Variants in MTMR8 observed in about 807,000 individuals in gnomAD.
MTMR8 encodes myotubularin related protein 8, also known as phosphatidylinositol-3,5-bisphosphate 3-phosphatase MTMR8.
MTMR8 carries 65 observed loss-of-function variants against 39.3 expected under a neutral mutation model. The observed-to-expected ratio is 1.65, with a 90% confidence interval of 1.35 to 2.03. MTMR8 has a LOEUF of 2.03. Among genes scored for constraint, MTMR8 ranks in the 30% most tolerant of loss-of-function variants. The pLI is 0.00. For synonymous variants in MTMR8, 245 were observed against 185.2 expected (o/e 1.32, Z -2.62); for missense variants, 777 against 538.9 (o/e 1.44, Z -4.37).
intron 12 of MTMR8, among the ~76,000 whole-genome samples, chrX:64,316,639 C>T (rs1268065155): frequency 2.7e-5 from 3 of 111,363 alleles, no homozygotes; most frequent in Non-Finnish European, 5.7e-5. Context: ...CAGAGCAAGG[C>T]CCAGTCTCAA....
chrX:64,273,358 CAG>C (rs934781576), intron 12 of MTMR8, among the ~76,000 whole-genome samples: 6 of 108,887 alleles, frequency 5.5e-5, no homozygotes, highest in African/African-American at 2.0e-4. Context: ...ATGCTTAAGA[CAG>C]AGTGTTAGAC....
intron 2 of MTMR8, among the ~76,000 whole-genome samples, 170 bp downstream of exon 2, chrX:64,359,235 A>C (rs1455282026): frequency 1.5e-4 from 17 of 111,572 alleles, no homozygotes; most frequent in Non-Finnish European, 3.8e-5. Flanking sequence ...AACTTGAAAA[A>C]AGAGGAGTAA....
chrX:64,300,919 G>A, intron 12 of MTMR8, among the ~76,000 whole-genome samples: 1 of 110,728 alleles, frequency 9.0e-6, no homozygotes, highest in Non-Finnish European at 1.9e-5. Context: ...CTCTCTTGTG[G>A]CTTGTAGGGT....
chrX:64,378,938 G>T lies in MTMR8; in HGVS notation c.24+16402C>A, dbSNP rs749517531. On this transcript the variant is annotated intron_variant, in intron 1 of 13. Coordinates refer to ENST00000374852, the MANE Select transcript of MTMR8 (RefSeq NM_017677.4). ...TGAAGACACAAATAACACCAGAAAT[G>T]AAAGAGGGGCCATCACTACTGATCC... 2.7e-5 allele frequency among the ~76,000 whole-genome samples: 3 copies of T among 111,607 alleles called. No homozygotes were observed. In the South Asian group the frequency reaches 1.1e-3, roughly 43 times the overall value.
At position 64,268,813 on chromosome X, in the gene MTMR8, A is replaced by G. The variant is rs1931690262; in HGVS notation, c.1839T>C (p.Cys613=). 7 of 1,209,515 alleles carry G rather than the reference A, an allele frequency of 5.8e-6. No homozygotes were observed. Among genetic ancestry groups the G allele is most frequent in the Non-Finnish European group, 6.7e-6 (6 of 895,055 alleles). The change falls in exon 14 of 14, where the codon TGT becomes TGC. Residue 613 remains cysteine, a synonymous_variant. Transcript: ENST00000374852. ...SQGADLHHNC[C]EIVGSLRAIN... ...TGGCCCTAAGGCTGCCCACAATCTC[A>G]CAACAGTTATGGTGGAGGTCTGCAC...
intron 11 of MTMR8, among the ~76,000 whole-genome samples, chrX:64,329,983 T>C (rs1290685633): frequency 8.9e-6 from 1 of 111,835 alleles, no homozygotes; most frequent in African/African-American, 3.2e-5. Flanking sequence ...TAAATATTAA[T>C]TTGCTCAAGG....
chrX:64,298,231 A>C (rs1200425627), intron 12 of MTMR8, among the ~76,000 whole-genome samples: 1 of 104,335 alleles, frequency 9.6e-6, no homozygotes, highest in Non-Finnish European at 2.0e-5. Context: ...ATGTTCTTCC[A>C]TTTGTTTGTA....
At position 64,331,322 on chromosome X, in the gene MTMR8, C is replaced by A. The variant is rs1192410026; in HGVS notation, c.1352+235G>T. On this transcript the variant is annotated intron_variant, in intron 11 of 13. Coordinates refer to ENST00000374852, the MANE Select transcript of MTMR8 (RefSeq NM_017677.4). ...TTGTACATCCATTATTTTACTGGAT[C>A]CTCATGACTGCTCTAAAAAGTAGGC... 1.6e-5 allele frequency: 6 copies of A among 386,839 alleles called. No homozygotes were observed. The East Asian group carries it at 1.8e-4, about 11-fold the overall frequency. The allele number at this position is 386,839 out of a possible 1,213,427, so 31.9% of individuals were successfully genotyped here.
intron 10 of MTMR8, among the ~76,000 whole-genome samples, chrX:64,334,610 ATCT>A (rs1285874799): frequency 3.9e-5 from 4 of 102,126 alleles, no homozygotes; most frequent in East Asian, 3.2e-4. Context: ...GCTCTGAATG[ATCT>A]TCTCCTCACT....
chrX:64,310,380 G>A (rs761034451), intron 12 of MTMR8, among the ~76,000 whole-genome samples: 214 of 111,115 alleles, frequency 1.9e-3, no homozygotes, highest in Non-Finnish European at 3.0e-3. Flanking sequence ...CATATCTGCC[G>A]TTATATCCTC....
chrX:64,345,014 C>T (rs776748707), intron 7 of MTMR8, 31 bp downstream of exon 7: 11 of 1,199,219 alleles, frequency 9.2e-6, no homozygotes, highest in South Asian at 5.5e-5. Context: ...AAGCTATGGC[C>T]GCTTGCCTAG....
intron 1 of MTMR8, among the ~76,000 whole-genome samples, chrX:64,386,220 T>C (rs1924553313): frequency 8.9e-6 from 1 of 112,071 alleles, no homozygotes; most frequent in Non-Finnish European, 1.9e-5. Flanking sequence ...GCTCATTCTA[T>C]TTTGTAGAAT....
chrX:64,393,831 A>T (rs761769077), intron 1 of MTMR8, among the ~76,000 whole-genome samples: 2 of 112,549 alleles, frequency 1.8e-5, no homozygotes, highest in Admixed American at 9.4e-5. Flanking sequence ...AGGCAGCATC[A>T]AAGTTTTATG....
chrX:64,377,411 C>A (rs1042113437), intron 1 of MTMR8, among the ~76,000 whole-genome samples: 1 of 112,611 alleles, frequency 8.9e-6, no homozygotes, highest in Non-Finnish European at 1.9e-5. Flanking sequence ...AGGCAAAATG[C>A]CCAAGGTCTT....
chrX:64,320,140 C>T (rs1183980461), intron 12 of MTMR8, among the ~76,000 whole-genome samples: 5 of 111,137 alleles, frequency 4.5e-5, no homozygotes, highest in Non-Finnish European at 9.4e-5. Flanking sequence ...AGTTGGATTC[C>T]TAGGTATTTT....
intron 2 of MTMR8, among the ~76,000 whole-genome samples, chrX:64,358,945 G>A (rs942618929): frequency 2.7e-5 from 3 of 109,265 alleles, no homozygotes; most frequent in African/African-American, 1.0e-4. Flanking sequence ...TGTTGCCCAA[G>A]GTAAAGTCCA....
chrX:64,301,051 T>C (rs1337103754), intron 12 of MTMR8, among the ~76,000 whole-genome samples: 1 of 104,381 alleles, frequency 9.6e-6, no homozygotes. Context: ...GACAATTATG[T>C]GTCTTGGAGT....
At chrX:64,300,251 A>T (rs1055219032) in intron 12 of MTMR8, among the ~76,000 whole-genome samples, 5 of 110,769 alleles carry the variant, frequency 4.5e-5, no homozygotes, top group African/African-American at 1.3e-4. Flanking sequence ...TTGCTTCATG[A>T]ATCTTGGTGC....
chrX:64,359,080 T>A (rs1246800473), intron 2 of MTMR8, among the ~76,000 whole-genome samples: 1 of 111,210 alleles, frequency 9.0e-6, no homozygotes, highest in Non-Finnish European at 1.9e-5. Flanking sequence ...CTATATTTTA[T>A]GGGCAGCAAG....
Sources: gnomAD v4.1 joint callset for allele counts (sites outside exome capture counted in the v4.1 genomes callset) on GRCh38, gnomAD v4.1.1 for gene constraint, MANE v1.5 for transcripts, NCBI Gene and HGNC (gene_info 2026-07-23, HGNC 2026-07-21) for gene names.